USP19: variants seen among roughly 807,000 people sequenced by gnomAD.
The protein encoded by USP19 is ubiquitin carboxyl-terminal hydrolase 19.
Under a neutral mutation model 144.8 loss-of-function variants are expected in USP19, and 40 were observed. The ratio of observed to expected loss-of-function variants is 0.28; its 90% CI spans 0.21 to 0.36. USP19 has a LOEUF of 0.36. Among genes scored for constraint, USP19 ranks in the 10% least tolerant of loss-of-function variants. USP19 has a pLI of 1.00. For synonymous variants in USP19, 701 were observed against 709.3 expected (o/e 0.99, Z 0.19); for missense variants, 1,518 against 1,822.5 (o/e 0.83, Z 3.04).
In USP19 at chr3:49,109,165, C is replaced by T. The variant is rs377686437; in HGVS notation, c.4039-637G>A. 811 of 1,493,272 alleles carry T rather than the reference C, an allele frequency of 5.4e-4. 2 individuals carry two copies. The highest frequency in any genetic ancestry group is 7.0e-4 in the Middle Eastern group (4 of 5,718). 92.5% of individuals were successfully genotyped at this position (1,493,272 alleles called of 1,614,324 possible). On this transcript the variant is annotated intron_variant, in intron 26 of 26. Transcript: ENST00000417901. ...GCACCGGCTCCTCCTCAGCCTCCAGCTCCTGCCAAATCCGGGAAGCCTAGG... is the reference window on the plus strand; with the variant it reads ...GCACCGGCTCCTCCTCAGCCTCCAGTTCCTGCCAAATCCGGGAAGCCTAGG...
At position 49,116,058 on chromosome 3, in the gene USP19, G is replaced by A. The variant is rs747783812; in HGVS notation, c.1460C>T (p.Pro487Leu). The A allele has an allele frequency of 7.8e-5, 124 of 1,596,640 alleles. 1 individual carries two copies. The highest frequency in any genetic ancestry group is 6.0e-4 in the East Asian group (27 of 44,822). Residue 487 changes from proline (P) to leucine (L), a missense_variant, in exon 10 of 27, where the codon CCG becomes CTG. Coordinates refer to ENST00000417901, the MANE Select transcript of USP19 (RefSeq NM_001199161.2). This position sits in a 1 kb window ranked among gnomAD's most constrained non-coding sequence, Gnocchi z 5.0. ...QSQRWGGLEA[P>L]AARGAVGGAK... ...GCTCGTGTGCAGACCTCGTGCAGCC[G>A]GGGCCTCCAGGCCCCCCCAGCGCTG...
At chr3:49,109,071 T>C (rs377003060) in intron 26 of USP19, 4 of 1,608,216 alleles carry the variant, frequency 2.5e-6, no homozygotes, top group Non-Finnish European at 3.4e-6. Flanking sequence ...TCTGGTGTGG[T>C]AGGGCCACGT....
At chr3:49,120,605 A>T (rs1454549920) in intron 1 of USP19, 151 bp downstream of exon 1, 1 of 154,318 alleles carries the variant, frequency 6.5e-6, no homozygotes, top group African/African-American at 2.4e-5. Flanking sequence ...GGCATAGCGT[A>T]ACGGCCCTGC....
chr3:49,110,252 G>A lies in USP19; in HGVS notation c.3970C>T (p.Pro1324Ser), dbSNP rs777456774. ...YRRRNSPVER[P>S]PRAGHSEHHP... Reference sequence around the variant, plus strand: ...TGCTCAGAGTGACCTGCCCTGGGGGGCCTCTCCACAGGAGAGTTCCGCCGG... The same window carrying A: ...TGCTCAGAGTGACCTGCCCTGGGGGACCTCTCCACAGGAGAGTTCCGCCGG... Residue 1324 changes from proline (P) to serine (S), a missense_variant, in exon 26 of 27, where the codon CCC (proline) becomes TCC (serine). Coordinates refer to ENST00000417901, the MANE Select transcript of USP19 (RefSeq NM_001199161.2). The surrounding 1 kb of genome is among the most constrained non-coding windows in gnomAD (Gnocchi z 6.1). The A allele has an allele frequency of 1.3e-6, 2 of 1,596,904 alleles. No homozygotes were observed. Among genetic ancestry groups the A allele is most frequent in the South Asian group, 1.1e-5 (1 of 89,016 alleles).
chr3:49,111,314 G>T lies in USP19; in HGVS notation c.3269C>A (p.Pro1090His). 1 of 1,614,116 alleles carries T rather than the reference G, an allele frequency of 6.2e-7. No homozygotes were observed. Among genetic ancestry groups the T allele is most frequent in the Non-Finnish European group, 8.5e-7 (1 of 1,180,026 alleles). The change falls in exon 22 of 27, where the codon CCC becomes CAC. Residue 1090 changes from proline to histidine, a missense_variant. Around this residue, in one of 5 missense-constraint regions of USP19, gnomAD observed 413 missense variants for 515.8 expected, o/e 0.80. Transcript: ENST00000417901. The surrounding 1 kb of genome is among the most constrained non-coding windows in gnomAD (Gnocchi z 5.9). ...HPSEAMNAHT[P>H]QFFIYKIDSS... Reference sequence around the variant, plus strand: ...ATCAATTTTATAGATGAAGAACTGGGGTGTGTGGGCATTCATAGCTTCACT... The same window carrying T: ...ATCAATTTTATAGATGAAGAACTGGTGTGTGTGGGCATTCATAGCTTCACT...
At position 49,114,002 on chromosome 3, in the gene USP19, C is replaced by T. The variant is rs747322402; in HGVS notation, c.2495G>A (p.Arg832His). The T allele has an allele frequency of 2.4e-5, 39 of 1,614,054 alleles. No homozygotes were observed. Among genetic ancestry groups the T allele is most frequent in the South Asian group, 1.3e-4 (12 of 91,088 alleles). The change falls in exon 17 of 27, where the codon CGT becomes CAT. Residue 832 changes from arginine to histidine, a missense_variant. Arg to His is a conservative substitution (Grantham distance 29, BLOSUM62 0). Coordinates refer to ENST00000417901, the MANE Select transcript of USP19 (RefSeq NM_001199161.2). This position sits in a 1 kb window ranked among gnomAD's most constrained non-coding sequence, Gnocchi z 4.5. ...GAAGGACAAAGATACCTCCGCCAAACGCAGGTTCTCAGGCTTCACATGAAC... is the reference window on the plus strand; with the variant it reads ...GAAGGACAAAGATACCTCCGCCAAATGCAGGTTCTCAGGCTTCACATGAAC... Reference protein sequence around the residue: ...QSVHVKPENLRLAEVIKNRFH... With the variant: ...QSVHVKPENLHLAEVIKNRFH...
chr3:49,112,910 A>T lies in USP19; in HGVS notation c.2506-281T>A, dbSNP rs1029574433. On this transcript the variant is annotated intron_variant, in intron 17 of 26. Transcript: ENST00000417901. The surrounding 1 kb of genome is among the most constrained non-coding windows in gnomAD (Gnocchi z 4.9). Reference sequence around the variant, plus strand: ...GCCCTGCTATAACTAGCATAGCCTTATAAGACTGTAACATATTATCATGGA... The same window carrying T: ...GCCCTGCTATAACTAGCATAGCCTTTTAAGACTGTAACATATTATCATGGA... 6.6e-6 allele frequency among the ~76,000 whole-genome samples: 1 copy of T among 152,188 alleles called. No individual in the cohort carries two copies. The highest frequency in any genetic ancestry group is 1.9e-4 in the East Asian group (1 of 5,200).
chr3:49,118,169 G>A (rs1370425943), intron 2 of USP19, 49 bp from the exon 3 acceptor site: 1 of 729,014 alleles, frequency 1.4e-6, no homozygotes, highest in Non-Finnish European at 2.2e-6. Flanking sequence ...GGAGGCTGAG[G>A]TAGGAGGACT....
In USP19 at chr3:49,108,630, A is replaced by G. The variant is rs1366965925; in HGVS notation, c.4039-102T>C. On this transcript the variant is annotated intron_variant, in intron 26 of 26. Coordinates refer to ENST00000417901, the MANE Select transcript of USP19 (RefSeq NM_001199161.2). This position sits in a 1 kb window ranked among gnomAD's most constrained non-coding sequence, Gnocchi z 4.8. ...CCCTGGCACCCAAGGGAGGGTCCCA[A>G]GGCAGGCGCAGACAGCAGCGGCGTT... The G allele has an allele frequency of 2.4e-6, 3 of 1,249,576 alleles. No homozygotes were observed. Among genetic ancestry groups the G allele is most frequent in the Non-Finnish European group, 3.0e-6 (3 of 992,164 alleles). 77.4% of individuals were successfully genotyped at this position (1,249,576 alleles called of 1,614,324 possible).
Position 49,111,267 on chromosome 3 carries a change from G to A in USP19, c.3316C>T (p.Leu1106=), listed in dbSNP as rs746307323. Residue 1106 remains leucine (L), a synonymous_variant, in exon 22 of 27, where the codon CTA becomes TTA. Transcript: ENST00000417901. This position sits in a 1 kb window ranked among gnomAD's most constrained non-coding sequence, Gnocchi z 5.9. ...KIDSSNREQR[L]EDKGDTPLEL... is the part of the protein sequence containing the mutation. ...CAGCCTCAGACACCTTTGTCCTCTA[G>A]CCGCTGCTCTCGGTTGGATGAATCA... The A allele has an allele frequency of 1.2e-6, 2 of 1,614,148 alleles. No individual in the cohort carries two copies. The highest frequency in any genetic ancestry group is 1.7e-6 in the Non-Finnish European group (2 of 1,180,032).
rs746966468 is a variant in USP19, at chr3:49,117,847, G to A, written c.299-17C>T. On this transcript the variant is annotated splice_polypyrimidine_tract_variant and intron_variant, in intron 3 of 26. Coordinates refer to ENST00000417901, the MANE Select transcript of USP19 (RefSeq NM_001199161.2). The surrounding 1 kb of genome is among the most constrained non-coding windows in gnomAD (Gnocchi z 4.4). Reference sequence around the variant, plus strand: ...CACAAGCTCCTGATGGTGATAAGCAGGTAACAGAGACCCAGCCTAATGAAA... The same window carrying A: ...CACAAGCTCCTGATGGTGATAAGCAAGTAACAGAGACCCAGCCTAATGAAA... 3 of 1,613,910 alleles carry A rather than the reference G, an allele frequency of 1.9e-6. No individual in the cohort carries two copies. The African/African-American group carries it at 4.0e-5, about 22-fold the overall frequency.
In USP19 at chr3:49,111,037, C is replaced by T; in HGVS notation, c.3458G>A (p.Gly1153Asp). The change falls in exon 23 of 27, where the codon GGT (glycine) becomes GAT (aspartate). Residue 1153 changes from glycine (G) to aspartate (D), a missense_variant. Physicochemically the swap from Gly to Asp is moderately conservative, Grantham distance 94. Coordinates refer to ENST00000417901, the MANE Select transcript of USP19 (RefSeq NM_001199161.2). The surrounding 1 kb of genome is among the most constrained non-coding windows in gnomAD (Gnocchi z 5.9). ...LECAEDPGSA[G>D]EAARAGHFTL... is the part of the protein sequence containing the mutation. ...GAAGTGGCCGGCCCGGGCAGCCTCA[C>T]CGGCAGAGCCTGGATCCTCAGCACA... The T allele has an allele frequency of 1.2e-6, 2 of 1,614,030 alleles. No individual in the cohort carries two copies. The highest frequency in any genetic ancestry group is 8.5e-7 in the Non-Finnish European group (1 of 1,180,040).
chr3:49,108,700 A>G lies in USP19; in HGVS notation c.4039-172T>C. On this transcript the variant is annotated intron_variant, in intron 26 of 26. Transcript: ENST00000417901. The surrounding 1 kb of genome is among the most constrained non-coding windows in gnomAD (Gnocchi z 4.8). ...GGGCCTGAATAGTCTGGTTTTATTA[A>G]CACTTTTAAGTACAGGAAGTAGCTT... 7.6e-7 allele frequency: 1 copy of G among 1,320,950 alleles called. No individual in the cohort carries two copies. The highest frequency in any genetic ancestry group is 9.6e-7 in the Non-Finnish European group (1 of 1,037,746). The allele number at this position is 1,320,950 out of a possible 1,614,324, so 81.8% of individuals were successfully genotyped here.
chr3:49,110,231 C>T lies in USP19; in HGVS notation c.3991G>A (p.Glu1331Lys), dbSNP rs766124051. Reference sequence around the variant, plus strand: ...GCAGGGCCTAGGTCTGGGTGGTGCTCAGAGTGACCTGCCCTGGGGGGCCTC... The same window carrying T: ...GCAGGGCCTAGGTCTGGGTGGTGCTTAGAGTGACCTGCCCTGGGGGGCCTC... Reference protein sequence around the residue: ...VERPPRAGHSEHHPDLGPAAE... With the variant: ...VERPPRAGHSKHHPDLGPAAE... The change falls in exon 26 of 27, where the codon GAG becomes AAG. Residue 1331 changes from glutamate (E) to lysine (K), a missense_variant. Transcript: ENST00000417901. This position sits in a 1 kb window ranked among gnomAD's most constrained non-coding sequence, Gnocchi z 6.1. 3.8e-6 allele frequency: 6 copies of T among 1,576,162 alleles called. No individual in the cohort carries two copies. The highest frequency in any genetic ancestry group is 5.2e-6 in the Non-Finnish European group (6 of 1,160,118).
At chr3:49,113,947 C>T in intron 17 of USP19, 45 bp downstream of exon 17, 1 of 1,588,686 alleles carries the variant, frequency 6.3e-7, no homozygotes, top group East Asian at 2.2e-5. Flanking sequence ...GGTGAGTACA[C>T]ACACACATCC....
chr3:49,119,243 A>G lies in USP19; in HGVS notation c.-98T>C, dbSNP rs4279134. 1,023,385 of 1,485,726 alleles carry G rather than the reference A, an allele frequency of 0.69. 357,387 individuals are homozygous for G. The highest frequency in any genetic ancestry group is 0.96 in the East Asian group (41,502 of 43,394). 92.0% of individuals were successfully genotyped at this position (1,485,726 alleles called of 1,614,324 possible). On this transcript the variant is annotated 5_prime_UTR_variant, in exon 2 of 27. Transcript: ENST00000417901. ...TCTTCCTGGCCCAGCTATCTTGGCA[A>G]CTCTTTGTGGCCAAATTCTCCAGCA... is the stretch of plus-strand genomic sequence containing the variant.
chr3:49,113,156 G>A (rs73833525), intron 17 of USP19, among the ~76,000 whole-genome samples: 2,749 of 152,250 alleles, frequency 0.018, 94 homozygotes, highest in African/African-American at 0.063. Context: ...CCACCACAAA[G>A]GGGAATAAAC....
chr3:49,112,253 A>G lies in USP19; in HGVS notation c.2765+31T>C. The G allele has an allele frequency of 1.3e-6, 2 of 1,584,096 alleles. No homozygotes were observed. The highest frequency in any genetic ancestry group is 1.7e-6 in the Non-Finnish European group (2 of 1,165,176). On this transcript the variant is annotated intron_variant, in intron 19 of 26. Coordinates refer to ENST00000417901, the MANE Select transcript of USP19 (RefSeq NM_001199161.2). The surrounding 1 kb of genome is among the most constrained non-coding windows in gnomAD (Gnocchi z 4.9). ...AGGGTGGCACATGGAAGGTGGAAAGAAAGGGTAGGGGAGACCATGGGGGTC... is the reference window on the plus strand; with the variant it reads ...AGGGTGGCACATGGAAGGTGGAAAGGAAGGGTAGGGGAGACCATGGGGGTC...
In USP19 at chr3:49,108,867, C is replaced by A; in HGVS notation, c.4039-339G>T. 6.7e-7 allele frequency: 1 copy of A among 1,481,696 alleles called. No homozygotes were observed. Among genetic ancestry groups the A allele is most frequent in the Non-Finnish European group, 9.0e-7 (1 of 1,115,076 alleles). The allele number at this position is 1,481,696 out of a possible 1,614,324, so 91.8% of individuals were successfully genotyped here. A position where few individuals can be genotyped will look rare whatever the true frequency, so the allele number is the denominator to read the frequency against. ...CTCCCACCAGATGCATAAGCTGAGG[C>A]CCAAAGCCCAGAGGTGTTCCCCACA... On this transcript the variant is annotated intron_variant, in intron 26 of 26. Transcript: ENST00000417901. This position sits in a 1 kb window ranked among gnomAD's most constrained non-coding sequence, Gnocchi z 4.8.
Sources: allele counts gnomAD v4.1 joint callset (sites outside exome capture counted in the v4.1 genomes callset), GRCh38; gene constraint gnomAD v4.1.1; regional missense constraint gnomAD v4.1.1; non-coding constraint Gnocchi (gnomAD v3.1); transcripts MANE v1.5; gene names NCBI Gene and HGNC (gene_info 2026-07-23, HGNC 2026-07-21).